The following ACAD11 variants were observed in gnomAD, a reference collection of about 807,000 sequenced individuals.
The protein encoded by ACAD11 is acyl-Coenzyme A dehydrogenase family, member 11.
ACAD11 carries 83 observed loss-of-function variants against 102.2 expected under a neutral mutation model. That is an observed-to-expected ratio of 0.81 (90% CI 0.68 to 0.97). The LOEUF (loss-of-function observed/expected upper bound fraction) is 0.97, where lower values mean the gene tolerates loss of function less well. ACAD11 is among the 50% of genes least tolerant of loss of function. The pLI is 0.00. For missense variants in ACAD11, 901 were observed against 951.7 expected, an observed-to-expected ratio of 0.95 and a Z score of 0.70; for synonymous variants, 324 against 319.8, an observed-to-expected ratio of 1.01 and a Z score of -0.14.
At chr3:132,583,424 A>G (rs370311048) in intron 13 of ACAD11, among the ~76,000 whole-genome samples, 1 of 151,894 alleles carries the variant, frequency 6.6e-6, no homozygotes, top group Non-Finnish European at 1.5e-5. Context: ...TATTGCATCT[A>G]TTTGATTCTT....
intron 11 of ACAD11, among the ~76,000 whole-genome samples, chr3:132,613,809 G>C (rs1310867986): frequency 6.6e-6 from 1 of 152,002 alleles, no homozygotes; most frequent in Non-Finnish European, 1.5e-5. Context: ...TGAGGCAGGA[G>C]AATTGCTTGG....
At chr3:132,653,257 C>A (rs143640120) in intron 1 of ACAD11, among the ~76,000 whole-genome samples, 1 of 152,320 alleles carries the variant, frequency 6.6e-6, no homozygotes, top group Admixed American at 6.5e-5. Context: ...CAAACACTTT[C>A]TTCTCCATCT....
At chr3:132,594,716 G>A (rs780759071) in intron 13 of ACAD11, among the ~76,000 whole-genome samples, 8 of 152,150 alleles carry the variant, frequency 5.3e-5, no homozygotes, top group Non-Finnish European at 1.0e-4. Flanking sequence ...ATAGGAGTTA[G>A]GGAACTAAAA....
chr3:132,647,206 A>G (rs1940748377), intron 1 of ACAD11: 1 of 152,218 alleles, frequency 6.6e-6, no homozygotes, highest in Non-Finnish European at 1.5e-5. Context: ...TGGGAGGATC[A>G]TTGTCAACAC....
At chr3:132,649,102 G>T (rs986482136) in intron 1 of ACAD11, among the ~76,000 whole-genome samples, 1 of 152,234 alleles carries the variant, frequency 6.6e-6, no homozygotes, top group Non-Finnish European at 1.5e-5. Flanking sequence ...AAAGCCGCAG[G>T]GACCTCTGCC....
chr3:132,569,850 T>C (rs1004207321), intron 17 of ACAD11, among the ~76,000 whole-genome samples: 3 of 152,174 alleles, frequency 2.0e-5, no homozygotes, highest in Non-Finnish European at 2.9e-5. Context: ...AAGGGCAACA[T>C]GAAGGATCCT....
Position 132,658,625 on chromosome 3 carries a change from C to T in ACAD11, c.149+978G>A, listed in dbSNP as rs531626809. 7.9e-5 allele frequency among the ~76,000 whole-genome samples: 12 copies of T among 152,302 alleles called. No individual in the cohort carries two copies. In the South Asian group the frequency reaches 2.5e-3, roughly 32 times the overall value. ...TTCTAGCCTAGAAATCTCAGCTATT[C>T]TTTATTCCACCTTTCCCTTCATCTT... On this transcript the variant is annotated intron_variant, in intron 1 of 19. Coordinates refer to ENST00000264990, the MANE Select transcript of ACAD11 (RefSeq NM_032169.5).
chr3:132,577,289 G>C (rs1937537162), intron 15 of ACAD11, among the ~76,000 whole-genome samples: 1 of 151,874 alleles, frequency 6.6e-6, no homozygotes. Flanking sequence ...GGAAGACCAG[G>C]CTCCATAGAT....
At chr3:132,574,401 C>T (rs533106032) in intron 17 of ACAD11, among the ~76,000 whole-genome samples, 9 of 152,280 alleles carry the variant, frequency 5.9e-5, no homozygotes, top group African/African-American at 1.9e-4. Flanking sequence ...AACTTGCCTT[C>T]GCTGTATACT....
Position 132,644,681 on chromosome 3 carries a change from T to C in ACAD11, c.249+116A>G, listed in dbSNP as rs116078950. The stretch of plus-strand genomic sequence containing the variant: ...AGGGAAATTTTCATTAGAAATAAAA[T>C]ATATTTTATATTATTTGGCAATCAT... On this transcript the variant is annotated intron_variant, in intron 2 of 19. Transcript: ENST00000264990. 6.4e-3 allele frequency: 2,829 copies of C among 438,666 alleles called. 81 individuals are homozygous for C. Among genetic ancestry groups the C allele is most frequent in the African/African-American group, 0.052 (2,594 of 49,514 alleles). 27.2% of individuals were successfully genotyped at this position (438,666 alleles called of 1,614,324 possible). A position where few individuals can be genotyped will look rare whatever the true frequency, so the allele number is the denominator to read the frequency against.
Position 132,628,381 on chromosome 3 carries a change from AAT to A in ACAD11, c.1027_1028del (p.Ile343CysfsTer24). The A allele has an allele frequency of 6.2e-7, 1 of 1,613,416 alleles. No homozygotes were observed. The highest frequency in any genetic ancestry group is 1.1e-5 in the South Asian group (1 of 90,956). On this transcript the variant is annotated frameshift_variant, in exon 8 of 20. Coordinates refer to ENST00000264990, the MANE Select transcript of ACAD11 (RefSeq NM_032169.5). LOFTEE classifies it high-confidence loss of function. ...SSEDSFLFAN[I>X]VQPLAETGLQ... ...GTCCAGTTTCTGCCAGAGGTTGCAC[AAT>A]ATTGGCAAATAAAAAGCTATCCTCA...
chr3:132,647,684 T>C lies in ACAD11; in HGVS notation c.150-2788A>G, dbSNP rs560556530. On this transcript the variant is annotated intron_variant, in intron 1 of 19. Coordinates refer to ENST00000264990, the MANE Select transcript of ACAD11 (RefSeq NM_032169.5). ...ACAGCTCAGGTGAGAGGGAATGAGA[T>C]CAGGAAATGGGTGAGTATGGGTACC... 1.8e-3 allele frequency among the ~76,000 whole-genome samples: 280 copies of C among 152,284 alleles called. 1 individual carries two copies. Among genetic ancestry groups the C allele is most frequent in the Non-Finnish European group, 3.3e-3 (224 of 68,016 alleles).
At chr3:132,621,662 A>C (rs1254788370) in intron 9 of ACAD11, among the ~76,000 whole-genome samples, 4 of 152,196 alleles carry the variant, frequency 2.6e-5, no homozygotes, top group Non-Finnish European at 5.9e-5. Context: ...TAAATAAATA[A>C]AATGATAAAT....
At chr3:132,559,684 T>C (rs1936988241) in intron 19 of ACAD11, 149 bp downstream of exon 19, 1 of 598,028 alleles carries the variant, frequency 1.7e-6, no homozygotes, top group African/African-American at 1.9e-5. Flanking sequence ...AACTATTTCT[T>C]GGTGTTGAGC....
At chr3:132,589,707 T>TA (rs1937994411) in intron 13 of ACAD11, among the ~76,000 whole-genome samples, 1 of 152,162 alleles carries the variant, frequency 6.6e-6, no homozygotes, top group South Asian at 2.1e-4. Flanking sequence ...ATATTTTCTT[T>TA]AAAAAAAGCA....
At chr3:132,642,197 G>GA in intron 3 of ACAD11, 64 bp from the exon 4 acceptor site, 1 of 1,388,058 alleles carries the variant, frequency 7.2e-7, no homozygotes, top group East Asian at 2.3e-5. Flanking sequence ...GAATATACTA[G>GA]AAAAACATTC....
At chr3:132,615,789 T>A (rs1576592882) in intron 11 of ACAD11, among the ~76,000 whole-genome samples, 1 of 152,308 alleles carries the variant, frequency 6.6e-6, no homozygotes, top group South Asian at 2.1e-4. Flanking sequence ...TCTGCACACG[T>A]ATCCCAGAAC....
At chr3:132,587,701 A>G (rs999283524) in intron 13 of ACAD11, among the ~76,000 whole-genome samples, 7 of 151,436 alleles carry the variant, frequency 4.6e-5, no homozygotes, top group Non-Finnish European at 8.8e-5. Flanking sequence ...GAAACTCTGG[A>G]TTCTGTCATA....
At chr3:132,631,505 T>G in intron 5 of ACAD11, 26 bp from the exon 6 acceptor site, 1 of 1,403,402 alleles carries the variant, frequency 7.1e-7, no homozygotes, top group Non-Finnish European at 9.4e-7. Context: ...AAGAGGTCTG[T>G]AACACATTAA....
Sources: gnomAD v4.1 joint callset for allele counts (sites outside exome capture counted in the v4.1 genomes callset) on GRCh38, gnomAD v4.1.1 for gene constraint, MANE v1.5 for transcripts, NCBI Gene and HGNC (gene_info 2026-07-23, HGNC 2026-07-21) for gene names.